The following PLXNA3 variants were observed in gnomAD, a reference collection of about 807,000 sequenced individuals.
PLXNA3 encodes plexin-A3.
Under a neutral mutation model 118.8 loss-of-function variants are expected in PLXNA3, and 52 were observed. The ratio of observed to expected loss-of-function variants is 0.44; its 90% CI spans 0.35 to 0.55. PLXNA3 has a LOEUF of 0.55. Among genes scored for constraint, PLXNA3 ranks in the 20% least tolerant of loss-of-function variants. The pLI is 0.01. For synonymous variants in PLXNA3, 925 were observed against 762.4 expected (o/e 1.21, Z -3.51); for missense variants, 1,660 against 1,730.8 (o/e 0.96, Z 0.73).
Position 154,477,708 on chromosome X carries a change from C to CA in PLXNA3, c.*5023_*5024insA, listed in dbSNP as rs1569554881. 3.2e-6 allele frequency: 1 copy of CA among 314,630 alleles called. No homozygotes were observed. The highest frequency in any genetic ancestry group is 9.2e-5 in the South Asian group (1 of 10,818). 25.9% of individuals were successfully genotyped at this position (314,630 alleles called of 1,213,427 possible). A position where few individuals can be genotyped will look rare whatever the true frequency, so the allele number is the denominator to read the frequency against. On this transcript the variant is annotated 3_prime_UTR_variant, in exon 33 of 33. Transcript: ENST00000369682. ...AATATCTGAATTCTAGAACCCCCCC[C>CA]CCAGCAACCCAAGCACAACAAGAAT...
At chrX:154,472,054 G>A (rs2069189868) in intron 32 of PLXNA3, among the ~76,000 whole-genome samples, 1 of 111,652 alleles carries the variant, frequency 9.0e-6, no homozygotes, top group African/African-American at 3.3e-5. Context: ...GGAGGGAGAA[G>A]CGGCCCAAAC....
At position 154,458,438 on chromosome X, in the gene PLXNA3, C is replaced by A. The variant is rs2068877563; in HGVS notation, c.-28+10C>A. ...GCCAGCGGAGGGACAGGTAGGTGGC[C>A]GTCATCGTCGCCGTCCGTGCGGGGC... On this transcript the variant is annotated intron_variant, in intron 1 of 32. Transcript: ENST00000369682. 9.0e-6 allele frequency: 1 copy of A among 111,172 alleles called. No homozygotes were observed. Among genetic ancestry groups the A allele is most frequent in the South Asian group, 3.2e-4 (1 of 3,152 alleles). 9.2% of individuals were successfully genotyped at this position (111,172 alleles called of 1,213,427 possible).
rs1305661148 is a variant in PLXNA3 at position 154,468,849 on chromosome X, G to A, written c.4314G>A (p.Leu1438=). The part of the protein sequence containing the change: ...LKECAGEPLF[L]LYCAIKQQME... ...AGTGTGCTGGGGAGCCTCTCTTCCT[G>A]CTTTACTGTGCCATCAAGCAGCAGA... The change falls in exon 25 of 33, where the codon CTG becomes CTA. Residue 1438 remains leucine (L), a synonymous_variant. Transcript: ENST00000369682. 8.3e-7 allele frequency: 1 copy of A among 1,210,090 alleles called. No individual in the cohort carries two copies. Among genetic ancestry groups the A allele is most frequent in the African/African-American group, 1.7e-5 (1 of 57,270 alleles).
Position 154,461,344 on chromosome X carries a change from CGGCTGCTCCT to C in PLXNA3, c.844_853del (p.Cys282AlafsTer85). 1 of 1,212,275 alleles carries C rather than the reference CGGCTGCTCCT, an allele frequency of 8.2e-7. No individual in the cohort carries two copies. Among genetic ancestry groups the C allele is most frequent in the Non-Finnish European group, 1.1e-6 (1 of 895,599 alleles). On this transcript the variant is annotated frameshift_variant, in exon 3 of 33. Coordinates refer to ENST00000369682, the MANE Select transcript of PLXNA3 (RefSeq NM_017514.5). LOFTEE classifies it high-confidence loss of function. ...TCTACTCATACGTGGAATTCCCCAT[CGGCTGCTCCT>C]GGCGCGGCGTGGAGTACCGCTTGGT...
intron 23 of PLXNA3, 49 bp downstream of exon 23, chrX:154,468,608 G>T (rs1557208302): frequency 8.3e-7 from 1 of 1,208,386 alleles, no homozygotes; most frequent in Admixed American, 2.2e-5. Context: ...GCCTGGGCCT[G>T]CCCCCTGTCC....
At position 154,465,777 on chromosome X, in the gene PLXNA3, C is replaced by A. The variant is rs376089205; in HGVS notation, c.2462C>A (p.Pro821Gln). 8.3e-7 allele frequency: 1 copy of A among 1,209,494 alleles called. No homozygotes were observed. The highest frequency in any genetic ancestry group is 3.0e-5 in the East Asian group (1 of 33,824). Residue 821 changes from proline to glutamine, a missense_variant, in exon 13 of 33, where the codon CCG becomes CAG. Transcript: ENST00000369682. ...AGGTGCCAGCTGCGGACCCACTGCC[C>A]GGCCCCGAAGACCAACTGGATGCAC... ...EHRCQLRTHC[P>Q]APKTNWMHLS... is the part of the protein sequence containing the mutation.
In PLXNA3 at chrX:154,460,276, C is replaced by A; in HGVS notation, c.93C>A (p.Thr31=). 1 of 1,208,980 alleles carries A rather than the reference C, an allele frequency of 8.3e-7. No homozygotes were observed. Among genetic ancestry groups the A allele is most frequent in the South Asian group, 1.8e-5 (1 of 56,958 alleles). Residue 31 remains threonine (T), a synonymous_variant, in exon 2 of 33, where the codon ACC becomes ACA. Coordinates refer to ENST00000369682, the MANE Select transcript of PLXNA3 (RefSeq NM_017514.5). The part of the protein sequence containing the change: ...RPFRAFVVTD[T]TLTHLAVHRV... The stretch of plus-strand genomic sequence containing the variant: ...TCCGTGCCTTCGTGGTGACAGACAC[C>A]ACGCTTACCCACCTGGCTGTGCACC...
rs371752265 is a variant in PLXNA3, at chrX:154,470,305, G to A, written c.4987-137G>A. The A allele has an allele frequency of 2.7e-3, 2,470 of 915,909 alleles. 53 individuals are homozygous for A. In the South Asian group the frequency reaches 0.051, roughly 19 times the overall value. The allele number at this position is 915,909 out of a possible 1,213,427, so 75.5% of individuals were successfully genotyped here. Reference sequence around the variant, plus strand: ...TGGGAACTCTGAGCCTTAGATAAAGGCCATGTCTGTCTGAGAGACCACTGG... The same window carrying A: ...TGGGAACTCTGAGCCTTAGATAAAGACCATGTCTGTCTGAGAGACCACTGG... On this transcript the variant is annotated intron_variant, in intron 29 of 32. Transcript: ENST00000369682.
In PLXNA3 at chrX:154,460,641, G is replaced by C. The variant is rs782254662; in HGVS notation, c.458G>C (p.Gly153Ala). Residue 153 changes from glycine (G) to alanine (A), a missense_variant, in exon 2 of 33, where the codon GGT becomes GCT. Coordinates refer to ENST00000369682, the MANE Select transcript of PLXNA3 (RefSeq NM_017514.5). ...GCCCAGGAGCCCGACTCCATGGCTGGTGTCATTGTGGAGCAGGGCCAGGGG... is the reference window on the plus strand; with the variant it reads ...GCCCAGGAGCCCGACTCCATGGCTGCTGTCATTGTGGAGCAGGGCCAGGGG... The part of the protein sequence containing the change: ...SGAQEPDSMA[G>A]VIVEQGQGPS... 7.6e-6 allele frequency: 9 copies of C among 1,181,678 alleles called. No homozygotes were observed. The highest frequency in any genetic ancestry group is 1.0e-5 in the Non-Finnish European group (9 of 879,175).
Position 154,463,344 on chromosome X carries a change from C to T in PLXNA3, c.1318-47C>T, listed in dbSNP as rs782193420. ...GTCTTTGGCTGGAGAAGACAGTGTC[C>T]CAGGTGCAGGAGGCTGTGGTGGCAT... On this transcript the variant is annotated intron_variant, in intron 4 of 32. Coordinates refer to ENST00000369682, the MANE Select transcript of PLXNA3 (RefSeq NM_017514.5). 62 of 1,206,538 alleles carry T rather than the reference C, an allele frequency of 5.1e-5. No homozygotes were observed. In the East Asian group the frequency reaches 1.5e-3, roughly 28 times the overall value.
chrX:154,477,704 C>G lies in PLXNA3; in HGVS notation c.*5019C>G, dbSNP rs993224058. On this transcript the variant is annotated 3_prime_UTR_variant, in exon 33 of 33. Coordinates refer to ENST00000369682, the MANE Select transcript of PLXNA3 (RefSeq NM_017514.5). ...CTTGAATATCTGAATTCTAGAACCC[C>G]CCCCCCAGCAACCCAAGCACAACAA... 3.2e-6 allele frequency: 1 copy of G among 310,477 alleles called. No homozygotes were observed. The highest frequency in any genetic ancestry group is 9.2e-5 in the South Asian group (1 of 10,845). The allele number at this position is 310,477 out of a possible 1,213,427, so 25.6% of individuals were successfully genotyped here. A position where few individuals can be genotyped will look rare whatever the true frequency, so the allele number is the denominator to read the frequency against.
At chrX:154,459,155 C>A (rs1176196250) in intron 1 of PLXNA3, among the ~76,000 whole-genome samples, 2 of 88,188 alleles carry the variant, frequency 2.3e-5, no homozygotes, top group African/African-American at 1.5e-4. Context: ...GTTCCCTGCA[C>A]CACCCCCCGC....
chrX:154,463,160 C>T (rs992125760), intron 4 of PLXNA3, among the ~76,000 whole-genome samples: 1 of 111,401 alleles, frequency 9.0e-6, no homozygotes, highest in Non-Finnish European at 1.9e-5. Context: ...CTTCCCCTCC[C>T]CTGCATCCCC....
intron 1 of PLXNA3, among the ~76,000 whole-genome samples, chrX:154,459,882 G>C (rs1488076807): frequency 1.8e-5 from 2 of 113,307 alleles, no homozygotes; most frequent in East Asian, 2.8e-4. Flanking sequence ...CTGAGATGTG[G>C]CATCTGGGGT....
intron 4 of PLXNA3, 139 bp downstream of exon 4, chrX:154,462,449 G>T: frequency 2.1e-6 from 1 of 480,454 alleles, no homozygotes; most frequent in East Asian, 4.5e-5. Context: ...TTCCCTGGCT[G>T]GGTCCCAGGC....
chrX:154,472,738 C>T lies in PLXNA3; in HGVS notation c.*53C>T. On this transcript the variant is annotated 3_prime_UTR_variant, in exon 33 of 33. Coordinates refer to ENST00000369682, the MANE Select transcript of PLXNA3 (RefSeq NM_017514.5). ...TCTCAGTCCTGTGCCGTCCTCCCAT[C>T]CAGGGGAGTGGCTGGCTCAAGCCTG... is the stretch of plus-strand genomic sequence containing the variant. 2 of 927,212 alleles carry T rather than the reference C, an allele frequency of 2.2e-6. No homozygotes were observed. Among genetic ancestry groups the T allele is most frequent in the Non-Finnish European group, 3.1e-6 (2 of 638,429 alleles). The allele number at this position is 927,212 out of a possible 1,213,427, so 76.4% of individuals were successfully genotyped here.
rs1557204841 is a variant in PLXNA3, at chrX:154,462,036, G to C, written c.1135-92G>C. ...CCTGGCTGGAGGGGACCGGGTTCTAGATCCCGCTCTCTTCTGGGACACAGG... is the reference window on the plus strand; with the variant it reads ...CCTGGCTGGAGGGGACCGGGTTCTACATCCCGCTCTCTTCTGGGACACAGG... On this transcript the variant is annotated intron_variant, in intron 3 of 32. Coordinates refer to ENST00000369682, the MANE Select transcript of PLXNA3 (RefSeq NM_017514.5). 4 of 780,804 alleles carry C rather than the reference G, an allele frequency of 5.1e-6. No homozygotes were observed. The African/African-American group carries it at 6.4e-5, about 12-fold the overall frequency. 64.3% of individuals were successfully genotyped at this position (780,804 alleles called of 1,213,427 possible). A position where few individuals can be genotyped will look rare whatever the true frequency, so the allele number is the denominator to read the frequency against.
At chrX:154,463,262 G>C in intron 4 of PLXNA3, 129 bp from the exon 5 acceptor site, 1 of 940,835 alleles carries the variant, frequency 1.1e-6, no homozygotes, top group South Asian at 2.0e-5. Context: ...TCCGGGCTGT[G>C]GGTGTGAGTG....
Position 154,469,599 on chromosome X carries a change from C to T in PLXNA3, c.4699-89C>T. The T allele has an allele frequency of 7.2e-6, 4 of 553,597 alleles. No homozygotes were observed. In the South Asian group the frequency reaches 9.2e-5, roughly 13 times the overall value. The allele number at this position is 553,597 out of a possible 1,213,427, so 45.6% of individuals were successfully genotyped here. On this transcript the variant is annotated intron_variant, in intron 27 of 32. Coordinates refer to ENST00000369682, the MANE Select transcript of PLXNA3 (RefSeq NM_017514.5). Reference sequence around the variant, plus strand: ...CTCCCCTCGCCCTTCTCCCTGGGCTCGTGGGCTCCCCTCCTGGGTGTGGGT... The same window carrying T: ...CTCCCCTCGCCCTTCTCCCTGGGCTTGTGGGCTCCCCTCCTGGGTGTGGGT...
Sources: allele counts gnomAD v4.1 joint callset (sites outside exome capture counted in the v4.1 genomes callset), GRCh38; gene constraint gnomAD v4.1.1; transcripts MANE v1.5; gene names NCBI Gene and HGNC (gene_info 2026-07-23, HGNC 2026-07-21).